Variants in STK3 observed in about 807,000 individuals in gnomAD.
STK3 encodes serine/threonine kinase 3.
Under a neutral mutation model 58.0 loss-of-function variants are expected in STK3, and 41 were observed. The ratio of observed to expected loss-of-function variants is 0.71; its 90% CI spans 0.55 to 0.92. STK3 has a LOEUF of 0.92. Among genes scored for constraint, STK3 ranks in the 40% least tolerant of loss-of-function variants. The pLI is 0.00. For synonymous variants in STK3, 170 were observed against 191.0 expected, an observed-to-expected ratio of 0.89 and a Z score of 0.91; for missense variants, 479 against 602.7, an observed-to-expected ratio of 0.79 and a Z score of 2.15.
chr8:98,658,721 T>C (rs2130773799), intron 6 of STK3, among the ~76,000 whole-genome samples: 1 of 152,184 alleles, frequency 6.6e-6, no homozygotes, highest in Non-Finnish European at 1.5e-5. Flanking sequence ...AATAACTTCA[T>C]TACCTCCAAA....
At chr8:98,542,285 G>A (rs1362670721) in intron 9 of STK3, among the ~76,000 whole-genome samples, 1 of 152,128 alleles carries the variant, frequency 6.6e-6, no homozygotes, top group African/African-American at 2.4e-5. Context: ...TCAAAGAGAT[G>A]TCAAATTTCA....
At chr8:98,496,033 ATC>A (rs977015621) in intron 10 of STK3, among the ~76,000 whole-genome samples, 1 of 152,148 alleles carries the variant, frequency 6.6e-6, no homozygotes, top group Non-Finnish European at 1.5e-5. Context: ...TATATTTTCA[ATC>A]ACAGTATTTA....
intron 6 of STK3, among the ~76,000 whole-genome samples, chr8:98,692,523 A>G (rs1332132421): frequency 6.6e-6 from 1 of 152,188 alleles, no homozygotes; most frequent in East Asian, 1.9e-4. Flanking sequence ...AGTCAAACTC[A>G]TAGAGACAGG....
At chr8:98,355,077 T>C in the STK3 span, among the ~76,000 whole-genome samples, 1 of 152,170 alleles carries the variant, frequency 6.6e-6, no homozygotes, top group South Asian at 2.1e-4. Flanking sequence ...CACCGCAACC[T>C]GCCAAGAGTG....
rs147070835 is a variant in STK3, at chr8:98,626,787, C to G, written c.685-30618G>C. ...TGGGGAAATAAGAAATTTTCTTGAT[C>G]TCACCAATCTTCCTCCTCTTGGAGT... On this transcript the variant is annotated intron_variant, in intron 6 of 10. Coordinates refer to ENST00000419617, the MANE Select transcript of STK3 (RefSeq NM_006281.4). Among the ~76,000 whole-genome samples the G allele has an allele frequency of 8.3e-4, 127 of 152,330 alleles. 2 individuals are homozygous for G. The highest frequency in any genetic ancestry group is 7.5e-3 in the Admixed American group (115 of 15,300).
In STK3 at chr8:98,795,103, AAT is replaced by A. The variant is rs1222756810; in HGVS notation, c.27-20286_27-20285del. ...GCAAAAAAAAAAAAAAAAAAAAAAA[AAT>A]ATATATATATATATATATATATATA... On this transcript the variant is annotated intron_variant, in intron 1 of 10. Transcript: ENST00000419617. Among the ~76,000 whole-genome samples the A allele has an allele frequency of 8.4e-3, 543 of 64,694 alleles. 5 individuals are homozygous for A. Among genetic ancestry groups the A allele is most frequent in the Middle Eastern group, 0.031 (2 of 64 alleles). The allele number at this position is 64,694 out of a possible 152,430, so 42.4% of individuals were successfully genotyped here. A position where few individuals can be genotyped will look rare whatever the true frequency, so the allele number is the denominator to read the frequency against.
At chr8:98,899,101 G>T (rs1172756137) in intron 1 of STK3, among the ~76,000 whole-genome samples, 1 of 152,138 alleles carries the variant, frequency 6.6e-6, no homozygotes, top group East Asian at 1.9e-4. Flanking sequence ...ACAAAATATG[G>T]CACTATGTTT....
At chr8:98,606,655 C>G (rs987874778) in intron 6 of STK3, among the ~76,000 whole-genome samples, 4 of 152,148 alleles carry the variant, frequency 2.6e-5, no homozygotes, top group Non-Finnish European at 5.9e-5. Context: ...CTTAATGAAA[C>G]CCCAGTAAAA....
At chr8:98,543,380 G>A (rs561373737) in intron 9 of STK3, among the ~76,000 whole-genome samples, 2 of 152,192 alleles carry the variant, frequency 1.3e-5, no homozygotes, top group South Asian at 4.2e-4. Flanking sequence ...CTGTATGGTG[G>A]GGAGGGAATG....
At chr8:98,712,741 C>A (rs1331233068) in intron 4 of STK3, among the ~76,000 whole-genome samples, 2 of 152,122 alleles carry the variant, frequency 1.3e-5, no homozygotes, top group Non-Finnish European at 2.9e-5. Context: ...AGAAAGTTAA[C>A]AAGGATATCC....
chr8:98,599,809 C>CA, intron 6 of STK3, among the ~76,000 whole-genome samples: 1 of 151,756 alleles, frequency 6.6e-6, no homozygotes, highest in East Asian at 1.9e-4. Flanking sequence ...CTGTCTCTCC[C>CA]AAAAAACAAA....
intron 1 of STK3, among the ~76,000 whole-genome samples, chr8:98,902,646 A>G (rs1436803700): frequency 6.6e-6 from 1 of 152,180 alleles, no homozygotes; most frequent in Non-Finnish European, 1.5e-5. Flanking sequence ...ATAGCTAGCT[A>G]GCTAATCACC....
chr8:98,480,440 AC>A (rs1456337199), intron 10 of STK3, among the ~76,000 whole-genome samples: 3 of 152,206 alleles, frequency 2.0e-5, no homozygotes, highest in Non-Finnish European at 4.4e-5. Context: ...AAAGGCACAG[AC>A]AGGTTAAAGT....
chr8:98,913,206 G>A (rs1839220170), intron 1 of STK3, among the ~76,000 whole-genome samples: 1 of 150,920 alleles, frequency 6.6e-6, no homozygotes, highest in Admixed American at 6.6e-5. Context: ...TTTTAAAAAT[G>A]TGCAATAATA....
chr8:98,419,278 T>G (rs1210656344), intron 3 of STK3, among the ~76,000 whole-genome samples: 3 of 152,042 alleles, frequency 2.0e-5, no homozygotes, highest in Non-Finnish European at 1.5e-5. Flanking sequence ...GGATAATCGC[T>G]TGAACCCAGG....
intron 8 of STK3, among the ~76,000 whole-genome samples, chr8:98,575,792 G>A (rs1244647298): frequency 6.6e-6 from 1 of 151,890 alleles, no homozygotes; most frequent in East Asian, 1.9e-4. Flanking sequence ...TTGGATACTA[G>A]ACCCTTATCA....
At position 98,578,696 on chromosome 8, in the gene STK3, C is replaced by T. The variant is rs138068923; in HGVS notation, c.948+968G>A. ...ACTTTTATGGGAGAACATACTGTTA[C>T]GAAATACATTTTCAATCAGTAAAAC... On this transcript the variant is annotated intron_variant, in intron 8 of 10. Coordinates refer to ENST00000419617, the MANE Select transcript of STK3 (RefSeq NM_006281.4). Among the ~76,000 whole-genome samples, 85 of 152,112 alleles carry T rather than the reference C, an allele frequency of 5.6e-4. No individual in the cohort carries two copies. In the East Asian group the frequency reaches 0.014, roughly 25 times the overall value.
the STK3 span, among the ~76,000 whole-genome samples, chr8:98,348,685 TAGGGAATTTC>T: frequency 6.6e-6 from 1 of 152,186 alleles, no homozygotes; most frequent in Non-Finnish European, 1.5e-5. Context: ...TATATGTCAT[TAGGGAATTTC>T]AAGTTAAAAC....
intron 1 of STK3, among the ~76,000 whole-genome samples, chr8:98,927,814 A>G (rs1331436395): frequency 6.6e-6 from 1 of 152,234 alleles, no homozygotes; most frequent in Admixed American, 6.5e-5. Flanking sequence ...CCTAGGCCAC[A>G]GAGTGGGAGC....
Sources: allele counts gnomAD v4.1 joint callset (sites outside exome capture counted in the v4.1 genomes callset), GRCh38; gene constraint gnomAD v4.1.1; transcripts MANE v1.5; gene names NCBI Gene and HGNC (gene_info 2026-07-23, HGNC 2026-07-21).